Variants in ASCC3 observed in about 807,000 individuals in gnomAD.
The protein encoded by ASCC3 is activating signal cointegrator 1 complex subunit 3, also known as ASC-1 complex subunit P200.
In ASCC3, 158 loss-of-function variants were observed where a neutral mutation model predicts 256.3. That is an observed-to-expected ratio of 0.62 (90% CI 0.54 to 0.70). The LOEUF is 0.70. Among genes scored for constraint, ASCC3 ranks in the 30% least tolerant of loss-of-function variants. The pLI, the probability that ASCC3 is intolerant of heterozygous loss-of-function variation, is 0.00. For synonymous variants in ASCC3, 948 were observed against 883.4 expected, an observed-to-expected ratio of 1.07 and a Z score of -1.30; for missense variants, 2,259 against 2,626.0, an observed-to-expected ratio of 0.86 and a Z score of 3.05.
intron 4 of ASCC3, among the ~76,000 whole-genome samples, chr6:100,820,235 T>C (rs1323067320): frequency 2.0e-5 from 3 of 152,224 alleles, no homozygotes; most frequent in Non-Finnish European, 4.4e-5. Flanking sequence ...ACTTTCATAC[T>C]TCTAACTTAC....
chr6:100,753,836 T>C (rs1401440768), intron 10 of ASCC3, among the ~76,000 whole-genome samples: 1 of 152,118 alleles, frequency 6.6e-6, no homozygotes, highest in Non-Finnish European at 1.5e-5. Flanking sequence ...AAACACTGCA[T>C]AAAGAACCAT....
At chr6:100,869,600 T>C (rs185132099) in intron 1 of ASCC3, among the ~76,000 whole-genome samples, 1,887 of 152,154 alleles carry the variant, frequency 0.012, 18 homozygotes, top group Non-Finnish European at 0.02. Flanking sequence ...TGGAAAAGAC[T>C]TGAAGAAATA....
chr6:100,619,297 C>T (rs898998399), intron 30 of ASCC3, among the ~76,000 whole-genome samples: 1 of 152,162 alleles, frequency 6.6e-6, no homozygotes, highest in Non-Finnish European at 1.5e-5. Flanking sequence ...GAAACAGCCA[C>T]ATGACCACTT....
intron 21 of ASCC3, 29 bp from the exon 22 acceptor site, chr6:100,646,798 T>C (rs958896056): frequency 1.9e-5 from 30 of 1,609,454 alleles, no homozygotes; most frequent in Non-Finnish European, 2.4e-5. Flanking sequence ...ATAGAAGAAA[T>C]GTGTCCAGGC....
intron 1 of ASCC3, among the ~76,000 whole-genome samples, chr6:100,870,211 AAATGCATTTTTAATGCATTTTTT>A (rs552779338): frequency 0.013 from 963 of 75,190 alleles, 12 homozygotes; most frequent in Admixed American, 0.056. Flanking sequence ...ATATTTTTAA[AAATGCATTTTTAATGCATTTTTT>A]AATGCATTTT....
chr6:100,739,604 C>G (rs192502299), intron 10 of ASCC3, among the ~76,000 whole-genome samples: 2 of 152,280 alleles, frequency 1.3e-5, no homozygotes, highest in East Asian at 3.9e-4. Flanking sequence ...ATTACCACCT[C>G]TATTTCAGAA....
chr6:100,684,661 C>G (rs1169185080), intron 13 of ASCC3, among the ~76,000 whole-genome samples: 1 of 152,006 alleles, frequency 6.6e-6, no homozygotes, highest in Non-Finnish European at 1.5e-5. Flanking sequence ...TGCATATGTG[C>G]GTGTGTGTAT....
intron 39 of ASCC3, among the ~76,000 whole-genome samples, chr6:100,514,836 A>G (rs991142832): frequency 2.6e-5 from 4 of 152,166 alleles, no homozygotes; most frequent in Admixed American, 2.0e-4. Flanking sequence ...TCTCACAGTC[A>G]TACTGCTTTT....
intron 30 of ASCC3, among the ~76,000 whole-genome samples, chr6:100,622,934 T>C (rs1774036846): frequency 2.6e-5 from 4 of 152,112 alleles, no homozygotes; most frequent in African/African-American, 9.7e-5. Flanking sequence ...GTGTACACTG[T>C]GATAATGCAC....
chr6:100,576,975 G>C (rs1185674393), intron 36 of ASCC3, among the ~76,000 whole-genome samples: 1 of 149,964 alleles, frequency 6.7e-6, no homozygotes. Context: ...TCATATAATG[G>C]AATAATAATC....
chr6:100,608,162 A>ATGTATATATATC (rs1366818339), intron 30 of ASCC3, among the ~76,000 whole-genome samples: 1 of 106,372 alleles, frequency 9.4e-6, no homozygotes, highest in Non-Finnish European at 1.7e-5. Context: ...ATACATATTT[A>ATGTATATATATC]TATACATATT....
chr6:100,828,544 T>C (rs1771445710), intron 4 of ASCC3, among the ~76,000 whole-genome samples: 1 of 151,420 alleles, frequency 6.6e-6, no homozygotes, highest in African/African-American at 2.4e-5. Context: ...ATCTGGAGTT[T>C]GCTCCTTCTG....
At chr6:100,810,572 CAT>C (rs1219760373) in intron 4 of ASCC3, among the ~76,000 whole-genome samples, 2 of 152,078 alleles carry the variant, frequency 1.3e-5, no homozygotes, top group African/African-American at 4.8e-5. Context: ...TCATTAGAAG[CAT>C]ATGTTTTGTT....
intron 13 of ASCC3, among the ~76,000 whole-genome samples, chr6:100,691,863 T>A (rs1172459399): frequency 6.6e-6 from 1 of 151,830 alleles, no homozygotes; most frequent in Non-Finnish European, 1.5e-5. Flanking sequence ...GCTCAGCATT[T>A]ATATACTAGA....
chr6:100,651,261 T>C (rs1775655472), intron 19 of ASCC3, among the ~76,000 whole-genome samples: 1 of 151,918 alleles, frequency 6.6e-6, no homozygotes, highest in Non-Finnish European at 1.5e-5. Flanking sequence ...TACTTTTACA[T>C]TTTCTTCAAT....
chr6:100,782,458 A>G (rs904390873), intron 8 of ASCC3, among the ~76,000 whole-genome samples: 2 of 152,168 alleles, frequency 1.3e-5, no homozygotes, highest in Non-Finnish European at 2.9e-5. Flanking sequence ...TTCTTTCAAA[A>G]TATGATCCTG....
At chr6:100,796,058 GTTA>G (rs1226130685) in intron 8 of ASCC3, among the ~76,000 whole-genome samples, 1 of 152,038 alleles carries the variant, frequency 6.6e-6, no homozygotes, top group South Asian at 2.1e-4. Context: ...TTATTCCCCA[GTTA>G]TTATTAGCCA....
chr6:100,614,737 T>G (rs1237834632), intron 30 of ASCC3, among the ~76,000 whole-genome samples: 1 of 152,174 alleles, frequency 6.6e-6, no homozygotes, highest in Non-Finnish European at 1.5e-5. Flanking sequence ...CCCCAGTGTT[T>G]TAGACTACAT....
At chr6:100,858,817 C>T in intron 3 of ASCC3, 1 of 643,670 alleles carries the variant, frequency 1.6e-6, no homozygotes, top group Non-Finnish European at 2.2e-6. Flanking sequence ...CTAATGATGT[C>T]CAGCCCATAT....
Sources: allele counts gnomAD v4.1 joint callset (sites outside exome capture counted in the v4.1 genomes callset), GRCh38; gene constraint gnomAD v4.1.1; transcripts MANE v1.5; gene names NCBI Gene and HGNC (gene_info 2026-07-23, HGNC 2026-07-21).